Variants in MYO7B observed in about 807,000 individuals in gnomAD.
MYO7B encodes the protein myosin VIIB, also known as unconventional myosin-VIIb.
MYO7B carries 212 observed loss-of-function variants against 259.7 expected under a neutral mutation model. The ratio of observed to expected loss-of-function variants is 0.82; its 90% confidence interval spans 0.73 to 0.91. MYO7B has a LOEUF of 0.91. MYO7B is among the 40% of genes least tolerant of loss of function. MYO7B has a pLI of 0.00. For synonymous variants in MYO7B, 1,197 were observed against 1,166.4 expected, an observed-to-expected ratio of 1.03 and a Z score of -0.54; for missense variants, 2,732 against 2,813.5, an observed-to-expected ratio of 0.97 and a Z score of 0.66.
At position 127,630,875 on chromosome 2, in the gene MYO7B, A is replaced by G; in HGVS notation, c.4904A>G (p.His1635Arg). 6.2e-7 allele frequency: 1 copy of G among 1,604,818 alleles called. No individual in the cohort carries two copies. Among genetic ancestry groups the G allele is most frequent in the Non-Finnish European group, 8.5e-7 (1 of 1,175,804 alleles). Residue 1635 changes from histidine to arginine, a missense_variant, in exon 36 of 48, where the codon CAC becomes CGC. Physicochemically the swap from His to Arg is conservative, Grantham distance 29. This residue lies in a region of MYO7B where 821 missense variants were observed against 769.3 expected (regional missense o/e 1.07). Coordinates refer to ENST00000409816, the MANE Select transcript of MYO7B (RefSeq NM_001393586.1). ...GAGGAGCCACCCAAGGAAAAGCTGC[A>G]CACCCTGGAGGAGTTCTCCTATGAG... ...RPEEPPKEKL[H>R]TLEEFSYEFF...
At position 127,552,486 on chromosome 2, in the gene MYO7B, T is replaced by A. The variant is rs1344416970; in HGVS notation, c.-23-7214T>A. ...GGCCACAGCTTCTGAAGCGGAGCAG[T>A]TCTGGGCTGTGGGAAGACCAGGCAA... is the stretch of plus-strand genomic sequence containing the variant. On this transcript the variant is annotated intron_variant, in intron 1 of 47. Transcript: ENST00000409816. Among the ~76,000 whole-genome samples, 3 of 152,238 alleles carry A rather than the reference T, an allele frequency of 2.0e-5. No homozygotes were observed. The East Asian group carries it at 5.8e-4, about 29-fold the overall frequency.
In MYO7B at chr2:127,576,550, G is replaced by A. The variant is rs764814853; in HGVS notation, c.736-45G>A. On this transcript the variant is annotated intron_variant, in intron 7 of 47. Coordinates refer to ENST00000409816, the MANE Select transcript of MYO7B (RefSeq NM_001393586.1). The surrounding 1 kb of genome is among the most constrained non-coding windows in gnomAD (Gnocchi z 4.9). ...CAGTCTGAGGCCCTGAGGCCTCAGG[G>A]GAATGGCTCATGAATCTGTCTGGAA... The A allele has an allele frequency of 2.3e-6, 3 of 1,322,454 alleles. No individual in the cohort carries two copies. Among genetic ancestry groups the A allele is most frequent in the Non-Finnish European group, 3.2e-6 (3 of 944,924 alleles). 81.9% of individuals were successfully genotyped at this position (1,322,454 alleles called of 1,614,324 possible).
intron 43 of MYO7B, 83 bp downstream of exon 43, chr2:127,635,309 CA>C: frequency 7.5e-7 from 1 of 1,328,668 alleles, no homozygotes; most frequent in Non-Finnish European, 1.1e-6. Flanking sequence ...GCCAGCAGGC[CA>C]GGGCAGGGCC....
At chr2:127,549,409 G>A (rs796540255) in intron 1 of MYO7B, among the ~76,000 whole-genome samples, 4 of 152,134 alleles carry the variant, frequency 2.6e-5, no homozygotes, top group African/African-American at 7.2e-5. Flanking sequence ...AAATGATCCC[G>A]TCACCCAGGT....
At chr2:127,575,995 C>T (rs887869671) in intron 7 of MYO7B, among the ~76,000 whole-genome samples, 1 of 152,082 alleles carries the variant, frequency 6.6e-6, no homozygotes, top group African/African-American at 2.4e-5. Context: ...TTAAAAAATA[C>T]AGAAGGCACC....
intron 1 of MYO7B, among the ~76,000 whole-genome samples, chr2:127,544,012 C>G (rs1693116463): frequency 6.6e-6 from 1 of 152,126 alleles, no homozygotes; most frequent in Non-Finnish European, 1.5e-5. Flanking sequence ...ACCTCGTGAT[C>G]TGCCTGCCTC....
At chr2:127,536,243 G>A (rs1692770517) in intron 1 of MYO7B, among the ~76,000 whole-genome samples, 1 of 152,196 alleles carries the variant, frequency 6.6e-6, no homozygotes. Context: ...TGCCGTGTGT[G>A]ACATCCCACT....
chr2:127,637,240 GA>G, intron 47 of MYO7B, 75 bp from the exon 48 acceptor site: 1 of 1,138,686 alleles, frequency 8.8e-7, no homozygotes, highest in Non-Finnish European at 1.3e-6. Context: ...CTGAGGAAGA[GA>G]AGGTGGTCCC....
At chr2:127,596,942 C>T (rs1243811327) in intron 19 of MYO7B, among the ~76,000 whole-genome samples, 4 of 152,340 alleles carry the variant, frequency 2.6e-5, no homozygotes, top group African/African-American at 7.2e-5. Flanking sequence ...AAGAGGGTAC[C>T]GCTAGAGTTG....
chr2:127,628,812 A>G lies in MYO7B; in HGVS notation c.4624+277A>G, dbSNP rs1186678763. On this transcript the variant is annotated intron_variant, in intron 34 of 47. Transcript: ENST00000409816. This position sits in a 1 kb window ranked among gnomAD's most constrained non-coding sequence, Gnocchi z 4.8. ...CTGCACTGCTGCAGAAGCACTGAGA[A>G]AGGCCAGCCCCCAGCCCAGGGAAGT... 6.6e-6 allele frequency among the ~76,000 whole-genome samples: 1 copy of G among 152,228 alleles called. No homozygotes were observed. The highest frequency in any genetic ancestry group is 1.5e-5 in the Non-Finnish European group (1 of 68,028).
Position 127,615,164 on chromosome 2 carries a change from G to T in MYO7B, c.3398+2561G>T, listed in dbSNP as rs1415239266. ...AGTGCTAAGATGGAGGTCTGTTCAG[G>T]GCCCCACAGGTGCACCAAGGAGGAG... is the stretch of plus-strand genomic sequence containing the variant. On this transcript the variant is annotated intron_variant, in intron 26 of 47. Transcript: ENST00000409816. This position sits in a 1 kb window ranked among gnomAD's most constrained non-coding sequence, Gnocchi z 4.4. Among the ~76,000 whole-genome samples, 3 of 152,146 alleles carry T rather than the reference G, an allele frequency of 2.0e-5. No homozygotes were observed. The highest frequency in any genetic ancestry group is 6.5e-5 in the Admixed American group (1 of 15,284).
intron 1 of MYO7B, among the ~76,000 whole-genome samples, chr2:127,553,205 T>C (rs1235222491): frequency 6.6e-6 from 1 of 152,214 alleles, no homozygotes; most frequent in Admixed American, 6.5e-5. Context: ...TGCCTCCATA[T>C]TTGTTCTTTT....
intron 26 of MYO7B, among the ~76,000 whole-genome samples, chr2:127,618,817 C>T (rs1281183332): frequency 6.6e-6 from 1 of 152,214 alleles, no homozygotes; most frequent in East Asian, 1.9e-4. Flanking sequence ...CCAGAAAGAC[C>T]TCCCTGGCGA....
At chr2:127,610,048 G>A (rs1680319265) in intron 24 of MYO7B, 32 bp downstream of exon 24, 4 of 1,600,780 alleles carry the variant, frequency 2.5e-6, no homozygotes, top group Admixed American at 1.7e-5. Context: ...GCAGAGGAGG[G>A]CGACACCTAC....
At chr2:127,610,405 G>A (rs1482649510) in intron 24 of MYO7B, among the ~76,000 whole-genome samples, 1 of 152,160 alleles carries the variant, frequency 6.6e-6, no homozygotes. Flanking sequence ...ACAAGGTAGG[G>A]ATGACTATAT....
In MYO7B at chr2:127,614,583, A is replaced by C. The variant is rs563331427; in HGVS notation, c.3398+1980A>C. On this transcript the variant is annotated intron_variant, in intron 26 of 47. Coordinates refer to ENST00000409816, the MANE Select transcript of MYO7B (RefSeq NM_001393586.1). This position sits in a 1 kb window ranked among gnomAD's most constrained non-coding sequence, Gnocchi z 4.6. Reference sequence around the variant, plus strand: ...AGCAAGAACTCAATCAACAGGCTCTATTCTAGTACCCTGGGAGGTGGCAAA... The same window carrying C: ...AGCAAGAACTCAATCAACAGGCTCTCTTCTAGTACCCTGGGAGGTGGCAAA... Among the ~76,000 whole-genome samples, 8 of 152,284 alleles carry C rather than the reference A, an allele frequency of 5.3e-5. No homozygotes were observed. The highest frequency in any genetic ancestry group is 1.4e-4 in the African/African-American group (6 of 41,560).
intron 1 of MYO7B, among the ~76,000 whole-genome samples, chr2:127,544,023 G>A (rs989311640): frequency 3.3e-5 from 5 of 151,830 alleles, no homozygotes; most frequent in African/African-American, 9.7e-5. Flanking sequence ...TGCCTGCCTC[G>A]GCCTCCCAAA....
In MYO7B at chr2:127,584,848, A is replaced by G; in HGVS notation, c.1625A>G (p.Lys542Arg). 6.2e-7 allele frequency: 1 copy of G among 1,613,954 alleles called. No homozygotes were observed. Among genetic ancestry groups the G allele is most frequent in the Middle Eastern group, 1.6e-4 (1 of 6,062 alleles). Residue 542 changes from lysine (K) to arginine (R), a missense_variant, in exon 14 of 48, where the codon AAG becomes AGG. Physicochemically the swap from Lys to Arg is conservative, Grantham distance 26. This residue lies in a region of MYO7B where 1,906 missense variants were observed against 2,026.4 expected (regional missense o/e 0.94). Transcript: ENST00000409816. The surrounding 1 kb of genome is among the most constrained non-coding windows in gnomAD (Gnocchi z 5.8). ...HANNKAFLQP[K>R]NIHDARFGIA... ...AACAACAAGGCCTTCCTACAGCCCAAGAACATCCACGATGCCAGATTTGGC... is the reference window on the plus strand; with the variant it reads ...AACAACAAGGCCTTCCTACAGCCCAGGAACATCCACGATGCCAGATTTGGC...
At position 127,623,376 on chromosome 2, in the gene MYO7B, G is replaced by A. The variant is rs764357445; in HGVS notation, c.3819+1G>A. 6.4e-7 allele frequency: 1 copy of A among 1,574,590 alleles called. No individual in the cohort carries two copies. Among genetic ancestry groups the A allele is most frequent in the Non-Finnish European group, 8.6e-7 (1 of 1,160,734 alleles). On this transcript the variant is annotated splice_donor_variant, in intron 29 of 47. Coordinates refer to ENST00000409816, the MANE Select transcript of MYO7B (RefSeq NM_001393586.1). LOFTEE classifies it high-confidence loss of function. ...CCTCCAGGTCGCCGTGTACGACAAG[G>A]TACCAGCCAGGCACCCTGCCCGTCA... is the stretch of plus-strand genomic sequence containing the variant.
Sources: allele counts gnomAD v4.1 joint callset (sites outside exome capture counted in the v4.1 genomes callset), GRCh38; gene constraint gnomAD v4.1.1; regional missense constraint gnomAD v4.1.1; non-coding constraint Gnocchi (gnomAD v3.1); transcripts MANE v1.5; gene names NCBI Gene and HGNC (gene_info 2026-07-23, HGNC 2026-07-21).